The following C19orf12 variants were observed in gnomAD, a reference collection of about 807,000 sequenced individuals.
C19orf12 encodes the protein protein C19orf12.
Under a neutral mutation model 3.8 loss-of-function variants are expected in C19orf12, and 2 were observed. The ratio of observed to expected loss-of-function variants is 0.53; its 90% CI spans 0.22 to 1.66. The LOEUF is 1.66. C19orf12 is among the 40% of genes most tolerant of loss of function. The probability of loss-of-function intolerance (pLI) is 0.20; values close to 1 mark genes in which losing one functional copy is unlikely to be tolerated. For missense variants in C19orf12, 156 were observed against 188.8 expected, an observed-to-expected ratio of 0.83 and a Z score of 1.02; for synonymous variants, 89 against 84.6, an observed-to-expected ratio of 1.05 and a Z score of -0.28.
At chr19:29,708,794 C>T (rs1277240830) in intron 1 of C19orf12, among the ~76,000 whole-genome samples, 1 of 152,210 alleles carries the variant, frequency 6.6e-6, no homozygotes, top group African/African-American at 2.4e-5. Context: ...ATGCCCTGCA[C>T]ACAAAGCCCA....
In C19orf12 at chr19:29,708,381, C is replaced by G. The variant is rs760318047; in HGVS notation, c.33G>C (p.Leu11=). Residue 11 remains leucine (L), a synonymous_variant, in exon 2 of 3, where the codon CTG becomes CTC. Coordinates refer to ENST00000323670, the MANE Select transcript of C19orf12 (RefSeq NM_031448.6). The stretch of plus-strand genomic sequence containing the variant: ...TCCTCTCCCCAGAAAGGGAGCACAG[C>G]AGCTTCATGATGTCCTCCACCATGA... MTIMVEDIMK[L]LCSLSGERKM... The G allele has an allele frequency of 5.0e-6, 8 of 1,614,124 alleles. No homozygotes were observed. Among genetic ancestry groups the G allele is most frequent in the Middle Eastern group, 3.3e-4 (2 of 6,062 alleles).
intron 2 of C19orf12, among the ~76,000 whole-genome samples, chr19:29,707,136 C>T (rs576790759): frequency 2.0e-5 from 3 of 152,290 alleles, no homozygotes; most frequent in Admixed American, 6.5e-5. Flanking sequence ...GCGGGTGGAT[C>T]GCTTGTGGCC....
chr19:29,702,747 T>C lies in C19orf12; in HGVS notation c.391A>G (p.Lys131Glu), dbSNP rs146170087. 2,554 of 1,613,932 alleles carry C rather than the reference T, an allele frequency of 1.6e-3. 18 individuals carry two copies. The highest frequency in any genetic ancestry group is 9.4e-3 in the South Asian group (854 of 91,080). The change falls in exon 3 of 3, where the codon AAG becomes GAG. Residue 131 changes from lysine to glutamate, a missense_variant. Transcript: ENST00000323670. ...TACTGGATCTCGGCCCGCAGCTCCT[T>C]GGTGACGTAGTTCACCAGCATGGCC... ...LLAMLVNYVT[K>E]ELRAEIQYDD
At chr19:29,710,154 G>T (rs1972597011) in intron 1 of C19orf12, among the ~76,000 whole-genome samples, 1 of 152,260 alleles carries the variant, frequency 6.6e-6, no homozygotes, top group South Asian at 2.1e-4. Context: ...ACAGGTGTGG[G>T]CCACCGTACC....
Position 29,715,239 on chromosome 19 carries a change from G to T in C19orf12, c.-125C>A. On this transcript the variant is annotated 5_prime_UTR_variant, in exon 1 of 3. Coordinates refer to ENST00000323670, the MANE Select transcript of C19orf12 (RefSeq NM_031448.6). ...CCCAGCCCCGCGGAGGGTCGCGCAGGCCTTGGTGGCGGCCCCGGCGCTGGC... is the reference window on the plus strand; with the variant it reads ...CCCAGCCCCGCGGAGGGTCGCGCAGTCCTTGGTGGCGGCCCCGGCGCTGGC... The T allele has an allele frequency of 2.4e-6, 1 of 410,862 alleles. No homozygotes were observed. Among genetic ancestry groups the T allele is most frequent in the Non-Finnish European group, 4.5e-6 (1 of 220,476 alleles). 25.5% of individuals were successfully genotyped at this position (410,862 alleles called of 1,614,324 possible).
Position 29,702,344 on chromosome 19 carries a change from G to C in C19orf12, c.*368C>G, listed in dbSNP as rs761322312. 6 of 487,706 alleles carry C rather than the reference G, an allele frequency of 1.2e-5. No individual in the cohort carries two copies. Among genetic ancestry groups the C allele is most frequent in the East Asian group, 6.0e-5 (1 of 16,766 alleles). The allele number at this position is 487,706 out of a possible 1,614,324, so 30.2% of individuals were successfully genotyped here. A position where few individuals can be genotyped will look rare whatever the true frequency, so the allele number is the denominator to read the frequency against. On this transcript the variant is annotated 3_prime_UTR_variant, in exon 3 of 3. Coordinates refer to ENST00000323670, the MANE Select transcript of C19orf12 (RefSeq NM_031448.6). ...ATCTCCCAAGATGAGAAGGCCCCGG[G>C]GGGAGGATGAAGTGTGGTCAGACCG...
rs756956467 is a variant in C19orf12, at chr19:29,701,599, G to A, written c.*1113C>T. The A allele has an allele frequency of 2.2e-5, 10 of 453,812 alleles. No individual in the cohort carries two copies. Among genetic ancestry groups the A allele is most frequent in the South Asian group, 9.3e-5 (6 of 64,476 alleles). The allele number at this position is 453,812 out of a possible 1,614,324, so 28.1% of individuals were successfully genotyped here. ...CTGACTGTACTGGGGAAATCTTTAG[G>A]GTAGAAACATTTCTTAGAGATGGTT... On this transcript the variant is annotated 3_prime_UTR_variant, in exon 3 of 3. Coordinates refer to ENST00000323670, the MANE Select transcript of C19orf12 (RefSeq NM_031448.6).
chr19:29,706,799 A>C (rs148277225), intron 2 of C19orf12, among the ~76,000 whole-genome samples: 1 of 152,142 alleles, frequency 6.6e-6, no homozygotes, highest in African/African-American at 2.4e-5. Context: ...TTGAATGTCA[A>C]TCCCACTACA....
At position 29,699,992 on chromosome 19, in the gene C19orf12, A is replaced by G. The variant is rs767521889; in HGVS notation, c.*2720T>C. On this transcript the variant is annotated 3_prime_UTR_variant, in exon 3 of 3. Coordinates refer to ENST00000323670, the MANE Select transcript of C19orf12 (RefSeq NM_031448.6). Reference sequence around the variant, plus strand: ...CTGCCCTTTTAGGCCCAAAGCCTCCAAGTCACCCCAGGACCCAGCTAGTTC... The same window carrying G: ...CTGCCCTTTTAGGCCCAAAGCCTCCGAGTCACCCCAGGACCCAGCTAGTTC... 1.8e-4 allele frequency: 82 copies of G among 453,966 alleles called. 2 individuals are homozygous for G. Among genetic ancestry groups the G allele is most frequent in the South Asian group, 1.3e-3 (81 of 64,474 alleles). 28.1% of individuals were successfully genotyped at this position (453,966 alleles called of 1,614,324 possible). A position where few individuals can be genotyped will look rare whatever the true frequency, so the allele number is the denominator to read the frequency against.
Position 29,708,219 on chromosome 19 carries a change from G to A in C19orf12, c.160+35C>T, listed in dbSNP as rs180766998. The A allele has an allele frequency of 3.9e-4, 620 of 1,605,910 alleles. 2 individuals are homozygous for A. The highest frequency in any genetic ancestry group is 4.9e-4 in the Non-Finnish European group (578 of 1,179,880). On this transcript the variant is annotated intron_variant, in intron 2 of 2. Coordinates refer to ENST00000323670, the MANE Select transcript of C19orf12 (RefSeq NM_031448.6). ...TCAACGGCCCTTTTATGACATCCCC[G>A]AGGCTGGCTATCTCTGTGAGACACC...
At chr19:29,713,994 T>TTCTC (rs1057445422) in intron 1 of C19orf12, among the ~76,000 whole-genome samples, 1 of 135,630 alleles carries the variant, frequency 7.4e-6, no homozygotes, top group South Asian at 2.4e-4. Flanking sequence ...TTCTCTTTCG[T>TTCTC]TCTCTCTCTC....
chr19:29,704,732 G>A (rs1448125413), intron 2 of C19orf12, among the ~76,000 whole-genome samples: 4 of 152,196 alleles, frequency 2.6e-5, no homozygotes, highest in Admixed American at 6.5e-5. Flanking sequence ...AGAGTGAAGG[G>A]GCGGTTGGGC....
rs576211259 is a variant in C19orf12 at position 29,699,859 on chromosome 19, A to G, written c.*2853T>C. On this transcript the variant is annotated 3_prime_UTR_variant, in exon 3 of 3. Transcript: ENST00000323670. ...ATAAATTTCTACAAAGAAGATACAG[A>G]TATATAAATACTAAAACCACAGGAG... The G allele has an allele frequency of 2.2e-6, 1 of 453,652 alleles. No homozygotes were observed. Among genetic ancestry groups the G allele is most frequent in the East Asian group, 6.9e-5 (1 of 14,400 alleles). 28.1% of individuals were successfully genotyped at this position (453,652 alleles called of 1,614,324 possible).
intron 1 of C19orf12, among the ~76,000 whole-genome samples, chr19:29,711,142 C>T (rs984490568): frequency 1.4e-5 from 2 of 143,324 alleles, no homozygotes; most frequent in African/African-American, 5.2e-5. Context: ...CACGTTCAAG[C>T]GATTCTCCTG....
intron 2 of C19orf12, among the ~76,000 whole-genome samples, chr19:29,707,742 G>A (rs1372062732): frequency 1.3e-5 from 2 of 152,124 alleles, no homozygotes; most frequent in Non-Finnish European, 2.9e-5. Flanking sequence ...CATTTCCAAT[G>A]GGGCAAATTA....
rs575117368 is a variant in C19orf12 at position 29,702,792 on chromosome 19, C to T, written c.346G>A (p.Ala116Thr). ...QLTALVMGSE[A>T]LQQQLLAMLV... is the part of the protein sequence containing the mutation. ...ATGGCCAGCAGCTGCTGCTGCAGGG[C>T]CTCGCTGCCCATGACCAGCGCGGTC... is the stretch of plus-strand genomic sequence containing the variant. Residue 116 changes from alanine to threonine, a missense_variant, in exon 3 of 3, where the codon GCC (alanine) becomes ACC (threonine). By Grantham distance (58) the Ala-to-Thr change is moderately conservative. Coordinates refer to ENST00000323670, the MANE Select transcript of C19orf12 (RefSeq NM_031448.6). 1.9e-6 allele frequency: 3 copies of T among 1,613,880 alleles called. No individual in the cohort carries two copies. The highest frequency in any genetic ancestry group is 2.7e-5 in the African/African-American group (2 of 75,050).
Position 29,699,231 on chromosome 19 carries a change from G to A in C19orf12, c.*3481C>T, listed in dbSNP as rs755609526. ...GCCTGTAATCCCAGCACTTTGGGAGGCTGAGGTGGGCAGATCACGAGGTAA... is the reference window on the plus strand; with the variant it reads ...GCCTGTAATCCCAGCACTTTGGGAGACTGAGGTGGGCAGATCACGAGGTAA... On this transcript the variant is annotated 3_prime_UTR_variant, in exon 3 of 3. Transcript: ENST00000323670. The A allele has an allele frequency of 3.5e-5, 16 of 453,126 alleles. No homozygotes were observed. The highest frequency in any genetic ancestry group is 7.1e-5 in the Non-Finnish European group (16 of 226,322). The allele number at this position is 453,126 out of a possible 1,614,324, so 28.1% of individuals were successfully genotyped here.
rs775013096 is a variant in C19orf12 at position 29,708,258 on chromosome 19, G to A, written c.156C>T (p.Ala52=). 19 of 1,611,424 alleles carry A rather than the reference G, an allele frequency of 1.2e-5. No individual in the cohort carries two copies. The highest frequency in any genetic ancestry group is 1.0e-4 in the Admixed American group (6 of 59,984). The change falls in exon 2 of 3, where the codon GCC becomes GCT. Residue 52 remains alanine (A), a synonymous_variant. Coordinates refer to ENST00000323670, the MANE Select transcript of C19orf12 (RefSeq NM_031448.6). ...CTGTGAGACACCTGCACTTACCAAC[G>A]GCGAGTCCCGGTGGGCCGCCCACCA... ...GGLVGGPPGL[A]VGGAVGGLLG...
rs569362669 is a variant in C19orf12 at position 29,708,577 on chromosome 19, G to A, written c.-10-154C>T. ...CTGTATGACAGACAGCATCCAGACG[G>A]TGGAAAGTTCCCACAGACAGGACAG... is the stretch of plus-strand genomic sequence containing the variant. On this transcript the variant is annotated intron_variant, in intron 1 of 2. Transcript: ENST00000323670. 42 of 924,116 alleles carry A rather than the reference G, an allele frequency of 4.5e-5. No homozygotes were observed. The African/African-American group carries it at 6.2e-4, about 14-fold the overall frequency. 57.2% of individuals were successfully genotyped at this position (924,116 alleles called of 1,614,324 possible). A position where few individuals can be genotyped will look rare whatever the true frequency, so the allele number is the denominator to read the frequency against.
Sources: gnomAD v4.1 joint callset for allele counts (sites outside exome capture counted in the v4.1 genomes callset) on GRCh38, gnomAD v4.1.1 for gene constraint, MANE v1.5 for transcripts, NCBI Gene and HGNC (gene_info 2026-07-23, HGNC 2026-07-21) for gene names.